SARAF: variants seen among roughly 807,000 people sequenced by gnomAD.
SARAF encodes the protein store-operated calcium entry-associated regulatory factor.
In SARAF, 23 loss-of-function variants were observed where a neutral mutation model predicts 39.7. The ratio of observed to expected loss-of-function variants is 0.58; its 90% confidence interval spans 0.42 to 0.82. SARAF has a LOEUF of 0.82. Among genes scored for constraint, SARAF ranks in the 40% least tolerant of loss-of-function variants. The pLI is 0.00. For synonymous variants in SARAF, 175 were observed against 168.5 expected (o/e 1.04, Z -0.30); for missense variants, 384 against 418.5 (o/e 0.92, Z 0.72).
Position 30,066,262 on chromosome 8 carries a change from G to A in SARAF, c.843-123C>T. ...CAAGTATTTTTTCCTGAATGTTCTGGTATATCAGAGTTAACATGAAATAAA... is the reference window on the plus strand; with the variant it reads ...CAAGTATTTTTTCCTGAATGTTCTGATATATCAGAGTTAACATGAAATAAA... On this transcript the variant is annotated intron_variant, in intron 4 of 5. Coordinates refer to ENST00000256255, the MANE Select transcript of SARAF (RefSeq NM_016127.6). 3 of 987,854 alleles carry A rather than the reference G, an allele frequency of 3.0e-6. No individual in the cohort carries two copies. The South Asian group carries it at 5.2e-5, about 17-fold the overall frequency. The allele number at this position is 987,854 out of a possible 1,614,324, so 61.2% of individuals were successfully genotyped here.
intron 1 of SARAF, chr8:30,082,626 C>A: frequency 4.4e-6 from 2 of 452,142 alleles, no homozygotes; most frequent in East Asian, 7.3e-5. Context: ...GGATCTCCAG[C>A]CGTCCCGCCC....
intron 2 of SARAF, among the ~76,000 whole-genome samples, chr8:30,071,657 G>A (rs573289804): frequency 5.9e-5 from 9 of 152,262 alleles, no homozygotes; most frequent in African/African-American, 2.2e-4. Flanking sequence ...CCAACTTTCT[G>A]TCTATATGGA....
chr8:30,073,699 T>C (rs1233370240), intron 2 of SARAF, 178 bp downstream of exon 2: 2 of 507,168 alleles, frequency 3.9e-6, no homozygotes, highest in Admixed American at 3.7e-5. Context: ...GGCTTTAAAA[T>C]CAGTTCATTT....
At chr8:30,075,105 A>G (rs1047528039) in intron 1 of SARAF, among the ~76,000 whole-genome samples, 8 of 152,114 alleles carry the variant, frequency 5.3e-5, no homozygotes, top group Non-Finnish European at 1.2e-4. Flanking sequence ...GTTCGAGACC[A>G]GCCTAGCCAA....
chr8:30,075,522 A>T (rs769714501), intron 1 of SARAF, among the ~76,000 whole-genome samples: 2 of 152,072 alleles, frequency 1.3e-5, no homozygotes, highest in Non-Finnish European at 1.5e-5. Flanking sequence ...AACCAGAGGG[A>T]CTCGAGCAAA....
At chr8:30,073,501 T>A (rs915615209) in intron 2 of SARAF, among the ~76,000 whole-genome samples, 13 of 152,210 alleles carry the variant, frequency 8.5e-5, no homozygotes, top group South Asian at 6.2e-4. Flanking sequence ...CCCTACTATT[T>A]ACGATCTATA....
intron 1 of SARAF, among the ~76,000 whole-genome samples, chr8:30,075,118 C>T (rs557846877): frequency 5.3e-5 from 8 of 151,824 alleles, no homozygotes; most frequent in African/African-American, 1.7e-4. Flanking sequence ...CTAGCCAACA[C>T]GGCGAAACCC....
At chr8:30,080,576 T>C (rs1802074981) in intron 1 of SARAF, among the ~76,000 whole-genome samples, 1 of 152,224 alleles carries the variant, frequency 6.6e-6, no homozygotes, top group South Asian at 2.1e-4. Flanking sequence ...AGAGGTAAAG[T>C]CCTTGGAGGC....
Position 30,083,005 on chromosome 8 carries a change from G to T in SARAF, c.-56C>A. On this transcript the variant is annotated 5_prime_UTR_variant, in exon 1 of 6. Transcript: ENST00000256255. ...AGACGCCTACGGGCCGAACCTGGGT[G>T]CGGTAGCGCGCGCGACGCTGCGCAG... The T allele has an allele frequency of 7.5e-7, 1 of 1,342,116 alleles. No homozygotes were observed. Among genetic ancestry groups the T allele is most frequent in the Non-Finnish European group, 1.0e-6 (1 of 985,526 alleles). The allele number at this position is 1,342,116 out of a possible 1,614,324, so 83.1% of individuals were successfully genotyped here.
At chr8:30,080,791 T>C (rs559507597) in intron 1 of SARAF, among the ~76,000 whole-genome samples, 61 of 152,346 alleles carry the variant, frequency 4.0e-4, no homozygotes, top group African/African-American at 1.4e-3. Context: ...AGCCGATTAA[T>C]GCTTTAGTAA....
Position 30,063,233 on chromosome 8 carries a change from C to T in SARAF, c.*655G>A, listed in dbSNP as rs964595232. The T allele has an allele frequency of 2.0e-5, 3 of 152,076 alleles. No individual in the cohort carries two copies. Among genetic ancestry groups the T allele is most frequent in the Non-Finnish European group, 4.4e-5 (3 of 68,016 alleles). The allele number at this position is 152,076 out of a possible 1,614,324, so 9.4% of individuals were successfully genotyped here. On this transcript the variant is annotated 3_prime_UTR_variant, in exon 6 of 6. Coordinates refer to ENST00000256255, the MANE Select transcript of SARAF (RefSeq NM_016127.6). ...AAATTTGACCTTTACCTCTTATGAACGAAAGAAATATAGAGGTTTCAAGCA... is the reference window on the plus strand; with the variant it reads ...AAATTTGACCTTTACCTCTTATGAATGAAAGAAATATAGAGGTTTCAAGCA...
upstream of SARAF, chr8:30,083,114 T>C (rs1315428432): frequency 2.0e-4 from 105 of 518,742 alleles, 2 homozygotes; most frequent in East Asian, 3.7e-3. Flanking sequence ...CAACCCTACG[T>C]CACTGCCGCT....
intron 2 of SARAF, among the ~76,000 whole-genome samples, chr8:30,072,767 T>C (rs946200094): frequency 6.6e-6 from 1 of 152,194 alleles, no homozygotes; most frequent in African/African-American, 2.4e-5. Context: ...CTAAAAATGT[T>C]ATCATTCCTT....
intron 4 of SARAF, 126 bp downstream of exon 4, chr8:30,066,651 G>T (rs1236557068): frequency 2.5e-6 from 3 of 1,192,748 alleles, no homozygotes; most frequent in African/African-American, 1.5e-5. Context: ...CCTTCCCAGA[G>T]AATCTTATTT....
At chr8:30,076,303 C>A (rs567159526) in intron 1 of SARAF, among the ~76,000 whole-genome samples, 1 of 152,342 alleles carries the variant, frequency 6.6e-6, no homozygotes, top group African/African-American at 2.4e-5. Flanking sequence ...TCTCCTTCCC[C>A]ACATGGTGCA....
chr8:30,078,215 T>C (rs1585445584), intron 1 of SARAF: 1 of 440,134 alleles, frequency 2.3e-6, no homozygotes, highest in African/African-American at 2.1e-5. Context: ...AAATTACCAG[T>C]TCAGGACCAG....
At chr8:30,080,330 G>A (rs571604260) in intron 1 of SARAF, among the ~76,000 whole-genome samples, 1 of 152,200 alleles carries the variant, frequency 6.6e-6, no homozygotes, top group Non-Finnish European at 1.5e-5. Context: ...CAGCCCAAAT[G>A]AGCCTTTAAA....
chr8:30,064,555 A>ATTTTT (rs1402020823), intron 5 of SARAF, among the ~76,000 whole-genome samples: 14 of 52,502 alleles, frequency 2.7e-4, no homozygotes, highest in African/African-American at 1.1e-3. Context: ...ATATATATAT[A>ATTTTT]TATATATTTT....
chr8:30,070,610 T>C (rs927719132), intron 2 of SARAF, among the ~76,000 whole-genome samples: 1 of 152,214 alleles, frequency 6.6e-6, no homozygotes, highest in Non-Finnish European at 1.5e-5. Flanking sequence ...TACTATTCTT[T>C]ACATATACAT....
Sources: gnomAD v4.1 joint callset for allele counts (sites outside exome capture counted in the v4.1 genomes callset) on GRCh38, gnomAD v4.1.1 for gene constraint, MANE v1.5 for transcripts, NCBI Gene and HGNC (gene_info 2026-07-23, HGNC 2026-07-21) for gene names.